The following PLCG2 variants were observed in gnomAD, a reference collection of about 807,000 sequenced individuals.
The protein encoded by PLCG2 is phospholipase C gamma 2.
PLCG2 carries 69 observed loss-of-function variants against 175.6 expected under a neutral mutation model. The ratio of observed to expected loss-of-function variants is 0.39; its 90% CI spans 0.32 to 0.48. The LOEUF (loss-of-function observed/expected upper bound fraction) is 0.48. Ranked by LOEUF, PLCG2 falls within the 20% of genes least tolerant of loss-of-function variation. PLCG2 has a pLI of 0.91. For synonymous variants in PLCG2, 827 were observed against 624.0 expected (o/e 1.33, Z -4.85); for missense variants, 1,798 against 1,650.9 (o/e 1.09, Z -1.54).
intron 1 of PLCG2, among the ~76,000 whole-genome samples, chr16:81,752,312 AC>A (rs1403982336): frequency 6.6e-6 from 1 of 152,028 alleles, no homozygotes; most frequent in African/African-American, 2.4e-5. Flanking sequence ...TCCAAGAAGC[AC>A]CCGGCCAGCT....
At chr16:81,796,864 C>T (rs1323268872) in intron 2 of PLCG2, among the ~76,000 whole-genome samples, 3 of 152,290 alleles carry the variant, frequency 2.0e-5, no homozygotes, top group South Asian at 2.1e-4. Flanking sequence ...TCTGTTGTTT[C>T]GGCCATCCAA....
At chr16:81,833,432 A>G (rs963920103) in intron 2 of PLCG2, among the ~76,000 whole-genome samples, 1 of 150,196 alleles carries the variant, frequency 6.7e-6, no homozygotes, top group Non-Finnish European at 1.5e-5. Flanking sequence ...GTGGGTGAGG[A>G]GGAGGCACCT....
chr16:81,881,060 C>T lies in PLCG2; in HGVS notation c.692+107C>T, dbSNP rs906508544. On this transcript the variant is annotated intron_variant, in intron 8 of 32. Coordinates refer to ENST00000564138, the MANE Select transcript of PLCG2 (RefSeq NM_002661.5). ...GCCTGTGTGTGCAGGCGCTGACCTC[C>T]AAAGGGGCAGGGGGCCCCTGCTGGG... 8 of 1,165,132 alleles carry T rather than the reference C, an allele frequency of 6.9e-6. No individual in the cohort carries two copies. The African/African-American group carries it at 1.2e-4, about 18-fold the overall frequency. 72.2% of individuals were successfully genotyped at this position (1,165,132 alleles called of 1,614,324 possible).
At chr16:81,770,813 C>G (rs1054142252) in intron 2 of PLCG2, among the ~76,000 whole-genome samples, 1 of 152,142 alleles carries the variant, frequency 6.6e-6, no homozygotes, top group Non-Finnish European at 1.5e-5. Context: ...TATCCCAGCA[C>G]TTTGCGGGGC....
intron 2 of PLCG2, among the ~76,000 whole-genome samples, chr16:81,821,244 G>T (rs1036880830): frequency 6.6e-6 from 1 of 152,238 alleles, no homozygotes; most frequent in African/African-American, 2.4e-5. Context: ...GAGTTAACAT[G>T]TGAGTGATTA....
chr16:81,859,646 T>G (rs1439399342), intron 5 of PLCG2, among the ~76,000 whole-genome samples: 1 of 152,046 alleles, frequency 6.6e-6, no homozygotes, highest in Non-Finnish European at 1.5e-5. Flanking sequence ...GCCATTCTCC[T>G]GCCTCAGCCT....
chr16:81,940,202 G>GTACA (rs1555522868), intron 30 of PLCG2, 143 bp downstream of exon 30: 44 of 685,198 alleles, frequency 6.4e-5, no homozygotes, highest in Non-Finnish European at 9.4e-5. Flanking sequence ...TGGAGAGCAG[G>GTACA]TGTACAGCCT....
intron 9 of PLCG2, among the ~76,000 whole-genome samples, chr16:81,884,802 A>T (rs1024208607): frequency 2.0e-5 from 3 of 152,168 alleles, no homozygotes; most frequent in African/African-American, 7.2e-5. Context: ...CTTGCAGAAC[A>T]TTTCAAACAT....
intron 2 of PLCG2, among the ~76,000 whole-genome samples, chr16:81,789,027 G>A (rs1024689673): frequency 6.6e-6 from 1 of 152,170 alleles, no homozygotes; most frequent in Non-Finnish European, 1.5e-5. Context: ...AAACACCCAG[G>A]GGGGATCTTG....
chr16:81,889,063 G>A (rs950681554), intron 9 of PLCG2, 109 bp from the exon 10 acceptor site: 11 of 648,232 alleles, frequency 1.7e-5, no homozygotes, highest in Middle Eastern at 3.3e-4. Flanking sequence ...AAGTGAATTC[G>A]GAATTGGTTG....
At chr16:81,748,886 A>G (rs1005322443) in intron 1 of PLCG2, among the ~76,000 whole-genome samples, 1 of 152,148 alleles carries the variant, frequency 6.6e-6, no homozygotes, top group Non-Finnish European at 1.5e-5. Flanking sequence ...GCTCGGTGAG[A>G]TGCTGGCAGA....
intron 25 of PLCG2, among the ~76,000 whole-genome samples, chr16:81,933,545 G>A (rs1029116259): frequency 1.3e-5 from 2 of 152,044 alleles, no homozygotes; most frequent in Non-Finnish European, 1.5e-5. Context: ...GACAGCTGCA[G>A]GCCTGGAGAG....
intron 2 of PLCG2, among the ~76,000 whole-genome samples, chr16:81,793,317 T>C (rs1404258137): frequency 6.6e-6 from 1 of 152,234 alleles, no homozygotes; most frequent in Non-Finnish European, 1.5e-5. Flanking sequence ...AGGGACCTAG[T>C]TGAGCAGTCT....
chr16:81,779,768 TG>T (rs1910646203), intron 1 of PLCG2, among the ~76,000 whole-genome samples: 1 of 151,830 alleles, frequency 6.6e-6, no homozygotes, highest in Non-Finnish European at 1.5e-5. Context: ...CGGCTCTGCG[TG>T]GGGTGGCGCC....
intron 2 of PLCG2, among the ~76,000 whole-genome samples, chr16:81,774,288 T>G (rs138549677): frequency 4.6e-5 from 7 of 150,786 alleles, no homozygotes; most frequent in African/African-American, 7.3e-5. Flanking sequence ...AGGCAGAGGT[T>G]GCAGTGAGCT....
intron 31 of PLCG2, among the ~76,000 whole-genome samples, chr16:81,949,152 G>C (rs1428244295): frequency 1.3e-5 from 2 of 152,202 alleles, no homozygotes; most frequent in Non-Finnish European, 2.9e-5. Flanking sequence ...GGTGGGCTGG[G>C]AGGACAGATG....
At chr16:81,796,808 A>G (rs560152707) in intron 2 of PLCG2, among the ~76,000 whole-genome samples, 1 of 152,338 alleles carries the variant, frequency 6.6e-6, no homozygotes, top group African/African-American at 2.4e-5. Flanking sequence ...AGCCTCGCCA[A>G]CACTTTGATT....
At chr16:81,893,618 G>A (rs1908741611) in intron 11 of PLCG2, 91 bp from the exon 12 acceptor site, 2 of 774,416 alleles carry the variant, frequency 2.6e-6, no homozygotes, top group Admixed American at 2.0e-5. Context: ...CTCGGGCGGA[G>A]AAGTTCCCCC....
intron 9 of PLCG2, among the ~76,000 whole-genome samples, chr16:81,885,565 C>T (rs1310104864): frequency 2.6e-5 from 4 of 152,292 alleles, no homozygotes; most frequent in African/African-American, 7.2e-5. Flanking sequence ...TAAAGCAAAC[C>T]CCAGACTTTG....
Sources: gnomAD v4.1 joint callset for allele counts (sites outside exome capture counted in the v4.1 genomes callset) on GRCh38, gnomAD v4.1.1 for gene constraint, MANE v1.5 for transcripts, NCBI Gene and HGNC (gene_info 2026-07-23, HGNC 2026-07-21) for gene names.